The following FUT8 variants were observed in gnomAD, a reference collection of about 807,000 sequenced individuals.
FUT8 encodes the protein fucosyltransferase 8.
Under a neutral mutation model 71.3 loss-of-function variants are expected in FUT8, and 29 were observed. That is an observed-to-expected ratio of 0.41 (90% CI 0.30 to 0.55). The LOEUF is 0.55. Ranked by LOEUF, FUT8 falls within the 20% of genes least tolerant of loss-of-function variation. The probability of loss-of-function intolerance (pLI) is 0.34; values close to 1 mark genes in which losing one functional copy is unlikely to be tolerated. For synonymous variants in FUT8, 254 were observed against 239.3 expected, an observed-to-expected ratio of 1.06 and a Z score of -0.57; for missense variants, 544 against 702.1, an observed-to-expected ratio of 0.77 and a Z score of 2.55.
the FUT8 span, among the ~76,000 whole-genome samples, chr14:65,399,867 T>G: frequency 6.6e-6 from 1 of 152,240 alleles, no homozygotes; most frequent in Non-Finnish European, 1.5e-5. Flanking sequence ...TAATAACATG[T>G]AAAGACAAAA....
chr14:65,385,878 A>C, the FUT8 span, among the ~76,000 whole-genome samples: 4 of 150,556 alleles, frequency 2.7e-5, no homozygotes, highest in South Asian at 2.2e-4. Context: ...CAGTCCAGCC[A>C]TGGTGGCTCA....
chr14:65,410,953 CTG>C (rs542572507), upstream of FUT8: 82 of 152,084 alleles, frequency 5.4e-4, no homozygotes, highest in African/African-American at 1.9e-3. Flanking sequence ...TTTTAAAATG[CTG>C]TGTTTAAACT....
chr14:65,717,482 CG>C (rs1895172731), intron 7 of FUT8, among the ~76,000 whole-genome samples: 2 of 130,826 alleles, frequency 1.5e-5, no homozygotes, highest in Admixed American at 1.6e-4. Flanking sequence ...ACTTCCTAGA[CG>C]GGGCGGCCGG....
At chr14:65,572,025 C>T (rs537502525) in intron 3 of FUT8, among the ~76,000 whole-genome samples, 1 of 152,118 alleles carries the variant, frequency 6.6e-6, no homozygotes, top group Non-Finnish European at 1.5e-5. Flanking sequence ...CATAGTCTTA[C>T]AAGTTTTTTG....
chr14:65,535,128 C>G (rs556849848), intron 2 of FUT8, among the ~76,000 whole-genome samples: 1 of 151,100 alleles, frequency 6.6e-6, no homozygotes, highest in East Asian at 1.9e-4. Context: ...TTGAGACAGT[C>G]TCGCTCTGTT....
At chr14:65,591,145 A>T (rs538162006) in intron 3 of FUT8, among the ~76,000 whole-genome samples, 2 of 152,194 alleles carry the variant, frequency 1.3e-5, no homozygotes, top group Non-Finnish European at 2.9e-5. Flanking sequence ...CACAAAGAAT[A>T]GTGTGAATAC....
chr14:65,480,974 C>T (rs1255978493), intron 2 of FUT8, among the ~76,000 whole-genome samples: 6 of 152,030 alleles, frequency 3.9e-5, no homozygotes, highest in African/African-American at 1.4e-4. Flanking sequence ...ATAGGCATGA[C>T]CATCGTTTTC....
intron 6 of FUT8, among the ~76,000 whole-genome samples, chr14:65,650,113 A>C (rs964937063): frequency 6.6e-6 from 1 of 150,700 alleles, no homozygotes; most frequent in Non-Finnish European, 1.5e-5. Flanking sequence ...TCGCTAACAC[A>C]GTGAAACCCC....
At chr14:65,443,695 A>G (rs1278600975) in intron 1 of FUT8, among the ~76,000 whole-genome samples, 4 of 149,326 alleles carry the variant, frequency 2.7e-5, no homozygotes, top group Non-Finnish European at 4.4e-5. Flanking sequence ...TCTCCAGCCT[A>G]GGCAACAGAG....
At chr14:65,397,815 T>G in the FUT8 span, among the ~76,000 whole-genome samples, 1 of 152,228 alleles carries the variant, frequency 6.6e-6, no homozygotes, top group African/African-American at 2.4e-5. The surrounding 1 kb of genome is among the most constrained non-coding windows in gnomAD (Gnocchi z 4.2). Context: ...GTGTTAAATA[T>G]TAGAAGTGTT....
chr14:65,462,532 CT>C (rs1446794830), intron 2 of FUT8, among the ~76,000 whole-genome samples: 1 of 152,168 alleles, frequency 6.6e-6, no homozygotes, highest in East Asian at 1.9e-4. Context: ...AAAATTCTTA[CT>C]AGAGAATGGT....
At chr14:65,646,964 C>CA (rs1228228215) in intron 6 of FUT8, among the ~76,000 whole-genome samples, 1 of 152,142 alleles carries the variant, frequency 6.6e-6, no homozygotes, top group Non-Finnish European at 1.5e-5. Context: ...TTGGATTATG[C>CA]AAATTCATGT....
chr14:65,672,280 T>A (rs1182748505), intron 7 of FUT8, among the ~76,000 whole-genome samples: 1 of 152,226 alleles, frequency 6.6e-6, no homozygotes, highest in Non-Finnish European at 1.5e-5. Context: ...TTATGTGCCC[T>A]AAGGTTGTTG....
At chr14:65,403,579 G>T in the FUT8 span, among the ~76,000 whole-genome samples, 1 of 152,146 alleles carries the variant, frequency 6.6e-6, no homozygotes, top group African/African-American at 2.4e-5. Context: ...TTGTCAGTTT[G>T]GTTAGAGTTA....
intron 7 of FUT8, among the ~76,000 whole-genome samples, chr14:65,719,169 C>G (rs1161387422): frequency 1.3e-5 from 2 of 151,726 alleles, no homozygotes; most frequent in African/African-American, 4.8e-5. Context: ...TTTCTTTTGT[C>G]TCTGTTGACA....
At chr14:65,358,824 G>T in the FUT8 span, among the ~76,000 whole-genome samples, 2 of 151,902 alleles carry the variant, frequency 1.3e-5, no homozygotes, top group Non-Finnish European at 2.9e-5. Context: ...GTTTTTTTGT[G>T]CTATTATTTT....
chr14:65,665,737 G>T (rs1044771352), intron 6 of FUT8, among the ~76,000 whole-genome samples: 1 of 152,116 alleles, frequency 6.6e-6, no homozygotes, highest in African/African-American at 2.4e-5. Flanking sequence ...ATACACCATG[G>T]AATACTGTGC....
At chr14:65,700,453 C>G (rs1302542107) in intron 7 of FUT8, among the ~76,000 whole-genome samples, 1 of 118,244 alleles carries the variant, frequency 8.5e-6, no homozygotes, top group Non-Finnish European at 1.6e-5. Context: ...TGCAGTGGCT[C>G]AATCTTGGCT....
the FUT8 span, among the ~76,000 whole-genome samples, chr14:65,389,226 A>G: frequency 6.6e-6 from 1 of 151,710 alleles, no homozygotes; most frequent in African/African-American, 2.4e-5. Flanking sequence ...TCTTTTTGAG[A>G]CAAGGTCTCA....
Sources: gnomAD v4.1 joint callset for allele counts (sites outside exome capture counted in the v4.1 genomes callset) on GRCh38, gnomAD v4.1.1 for gene constraint, Gnocchi (gnomAD v3.1) non-coding constraint, MANE v1.5 for transcripts, NCBI Gene and HGNC (gene_info 2026-07-23, HGNC 2026-07-21) for gene names.